KYNU: variants seen among roughly 807,000 people sequenced by gnomAD.
The protein encoded by KYNU is kynureninase.
A neutral mutation model predicts 59.2 loss-of-function variants in KYNU; 54 were observed. The observed-to-expected ratio is 0.91, with a 90% CI of 0.73 to 1.14. KYNU has a LOEUF of 1.14. Among genes scored for constraint, KYNU ranks in the 50% most tolerant of loss-of-function variants. KYNU has a pLI of 0.00. For missense variants in KYNU, 567 were observed against 554.4 expected (o/e 1.02, Z -0.23); for synonymous variants, 177 against 192.0 (o/e 0.92, Z 0.65).
rs1687301904 is a variant in KYNU, at chr2:143,053,471, C to A, written c.*11299C>A. ...GAGAACATTTAAGAGGGGCCAGGGG[C>A]AGAATGATATGGTTTGACTTTGTCC... On this transcript the variant is annotated 3_prime_UTR_variant, in exon 14 of 14. Transcript: ENST00000264170. The A allele has an allele frequency of 6.6e-6, 1 of 152,162 alleles. No individual in the cohort carries two copies. The highest frequency in any genetic ancestry group is 1.5e-5 in the Non-Finnish European group (1 of 68,036). The allele number at this position is 152,162 out of a possible 1,614,324, so 9.4% of individuals were successfully genotyped here. A position where few individuals can be genotyped will look rare whatever the true frequency, so the allele number is the denominator to read the frequency against.
At chr2:143,003,671 C>T (rs1685779508) in intron 10 of KYNU, among the ~76,000 whole-genome samples, 1 of 151,954 alleles carries the variant, frequency 6.6e-6, no homozygotes, top group Admixed American at 6.5e-5. Flanking sequence ...TGCTTGTCTA[C>T]AGAAATTTGA....
At position 143,040,614 on chromosome 2, in the gene KYNU, CCAAA is replaced by C. The variant is rs1226207989; in HGVS notation, c.1233_1236del (p.Asn411LysfsTer7). On this transcript the variant is annotated frameshift_variant, in exon 13 of 14. Coordinates refer to ENST00000264170, the MANE Select transcript of KYNU (RefSeq NM_003937.3). LOFTEE classifies it high-confidence loss of function. ...CCAGCTAACAATAACATTTTCTGTTCCAAACAAAGATGTTTTCCAAGAACTAGAA... is the reference window on the plus strand; with the variant it reads ...CCAGCTAACAATAACATTTTCTGTTCCAAAGATGTTTTCCAAGAACTAGAA... 1.9e-6 allele frequency: 3 copies of C among 1,609,674 alleles called. No homozygotes were observed. The highest frequency in any genetic ancestry group is 2.7e-5 in the African/African-American group (2 of 74,714).
At chr2:142,895,257 A>G (rs890215103) in intron 2 of KYNU, among the ~76,000 whole-genome samples, 14 of 152,178 alleles carry the variant, frequency 9.2e-5, no homozygotes, top group African/African-American at 3.1e-4. Context: ...ATAACCCCCA[A>G]AAGACTCCTT....
At chr2:143,017,515 C>T (rs1195099553) in intron 10 of KYNU, among the ~76,000 whole-genome samples, 2 of 132,024 alleles carry the variant, frequency 1.5e-5, no homozygotes, top group Admixed American at 9.3e-5. Flanking sequence ...AATCTCAGCT[C>T]ACTGCAATCT....
chr2:143,046,472 G>T lies in KYNU; in HGVS notation c.*4300G>T, dbSNP rs1433997953. The stretch of plus-strand genomic sequence containing the variant: ...AGTAATTTTGTAAATGATGTGAGGT[G>T]GTGATTCTATTTCATTTTTTCCCAT... On this transcript the variant is annotated 3_prime_UTR_variant, in exon 14 of 14. Transcript: ENST00000264170. 1.3e-5 allele frequency: 2 copies of T among 151,562 alleles called. No individual in the cohort carries two copies. The highest frequency in any genetic ancestry group is 2.9e-5 in the Non-Finnish European group (2 of 67,872). 9.4% of individuals were successfully genotyped at this position (151,562 alleles called of 1,614,324 possible).
At chr2:142,941,873 T>C (rs1406496880) in intron 4 of KYNU, among the ~76,000 whole-genome samples, 1 of 151,938 alleles carries the variant, frequency 6.6e-6, no homozygotes, top group Non-Finnish European at 1.5e-5. Flanking sequence ...TAAGTCAAAT[T>C]GAAAAAATGA....
In KYNU at chr2:143,050,401, T is replaced by G. The variant is rs1687244631; in HGVS notation, c.*8229T>G. 6.6e-6 allele frequency: 1 copy of G among 152,074 alleles called. No homozygotes were observed. The highest frequency in any genetic ancestry group is 1.5e-5 in the Non-Finnish European group (1 of 68,044). 9.4% of individuals were successfully genotyped at this position (152,074 alleles called of 1,614,324 possible). On this transcript the variant is annotated 3_prime_UTR_variant, in exon 14 of 14. Coordinates refer to ENST00000264170, the MANE Select transcript of KYNU (RefSeq NM_003937.3). The stretch of plus-strand genomic sequence containing the variant: ...ATGAGTGAGAACACGCGATGTTTGG[T>G]TTTCTGTTCCTGTGTTAATTTGCTG...
rs1363410141 is a variant in KYNU, at chr2:143,007,998, A to G, written c.903-21629A>G. ...TCAAGACTAGGAAGAAACTGCATCA[A>G]CTAACGTGCAAAATCACCAGCTAAC... On this transcript the variant is annotated intron_variant, in intron 10 of 13. Transcript: ENST00000264170. Among the ~76,000 whole-genome samples the G allele has an allele frequency of 4.7e-5, 6 of 127,454 alleles. 1 individual carries two copies. The highest frequency in any genetic ancestry group is 9.7e-5 in the Non-Finnish European group (6 of 61,790). 83.6% of individuals were successfully genotyped at this position (127,454 alleles called of 152,430 possible).
intron 2 of KYNU, among the ~76,000 whole-genome samples, chr2:142,913,058 T>A (rs540958331): frequency 6.6e-6 from 1 of 152,316 alleles, no homozygotes; most frequent in Admixed American, 6.5e-5. Flanking sequence ...ATCTTTGTTG[T>A]TTCTGACTGT....
chr2:142,992,200 A>G (rs1288870524), intron 10 of KYNU, among the ~76,000 whole-genome samples: 1 of 151,932 alleles, frequency 6.6e-6, no homozygotes, highest in Non-Finnish European at 1.5e-5. Context: ...CAGAGCAGTT[A>G]ACAGGTGAAG....
chr2:142,932,346 G>T (rs1398546342), intron 4 of KYNU, among the ~76,000 whole-genome samples: 2 of 152,094 alleles, frequency 1.3e-5, no homozygotes, highest in Admixed American at 1.3e-4. Flanking sequence ...CTTTTCTTCT[G>T]AGGAGTAAAG....
chr2:143,048,702 A>G lies in KYNU; in HGVS notation c.*6530A>G, dbSNP rs1687211902. On this transcript the variant is annotated 3_prime_UTR_variant, in exon 14 of 14. Coordinates refer to ENST00000264170, the MANE Select transcript of KYNU (RefSeq NM_003937.3). ...TCTATGTCGACAGTAATTTTCTTTC[A>G]GGAAGTAGAAAATATTAAGTTACAG... 6.6e-6 allele frequency: 1 copy of G among 152,220 alleles called. No homozygotes were observed. Among genetic ancestry groups the G allele is most frequent in the African/African-American group, 2.4e-5 (1 of 41,460 alleles). 9.4% of individuals were successfully genotyped at this position (152,220 alleles called of 1,614,324 possible).
In KYNU at chr2:143,042,391, CTG is replaced by C; in HGVS notation, c.*223_*224del. 2.1e-6 allele frequency: 1 copy of C among 477,078 alleles called. No individual in the cohort carries two copies. The highest frequency in any genetic ancestry group is 3.8e-6 in the Non-Finnish European group (1 of 264,830). 29.6% of individuals were successfully genotyped at this position (477,078 alleles called of 1,614,324 possible). ...GTGCTTTGTGTTTGGGGGACCAAAACTGTGTTGGTTCAAGTATTATCTATACA... is the reference window on the plus strand; with the variant it reads ...GTGCTTTGTGTTTGGGGGACCAAAACTGTTGGTTCAAGTATTATCTATACA... On this transcript the variant is annotated 3_prime_UTR_variant, in exon 14 of 14. Coordinates refer to ENST00000264170, the MANE Select transcript of KYNU (RefSeq NM_003937.3).
intron 8 of KYNU, among the ~76,000 whole-genome samples, chr2:142,974,168 A>T (rs912222667): frequency 3.3e-5 from 5 of 152,210 alleles, no homozygotes; most frequent in African/African-American, 1.2e-4. Flanking sequence ...CCCAGAAGAA[A>T]TAAAAACGGA....
At chr2:142,972,839 G>A (rs1002403257) in intron 8 of KYNU, among the ~76,000 whole-genome samples, 3 of 147,708 alleles carry the variant, frequency 2.0e-5, no homozygotes, top group Admixed American at 1.4e-4. Context: ...GAGAGAGAGA[G>A]ACTGACTACA....
At chr2:142,891,221 G>A (rs554373813) in intron 2 of KYNU, among the ~76,000 whole-genome samples, 2 of 152,176 alleles carry the variant, frequency 1.3e-5, no homozygotes, top group Admixed American at 1.3e-4. Flanking sequence ...TTTAGTAATT[G>A]CATATGATTA....
At chr2:142,916,743 G>A (rs1417770130) in intron 2 of KYNU, among the ~76,000 whole-genome samples, 2 of 152,088 alleles carry the variant, frequency 1.3e-5, no homozygotes, top group Admixed American at 6.6e-5. Flanking sequence ...GACTTTCCAG[G>A]GAATAAGAAG....
At chr2:142,987,077 T>G (rs1573873455) in intron 10 of KYNU, among the ~76,000 whole-genome samples, 1 of 151,908 alleles carries the variant, frequency 6.6e-6, no homozygotes, top group Non-Finnish European at 1.5e-5. Context: ...TACTTGAATA[T>G]CATTATCAGT....
intron 3 of KYNU, 45 bp from the exon 4 acceptor site, chr2:142,927,612 CAT>C: frequency 7.8e-7 from 1 of 1,280,940 alleles, no homozygotes; most frequent in Non-Finnish European, 1.1e-6. Context: ...TAATCACACA[CAT>C]GCACATAAAA....
Sources: allele counts gnomAD v4.1 joint callset (sites outside exome capture counted in the v4.1 genomes callset), GRCh38; gene constraint gnomAD v4.1.1; transcripts MANE v1.5; gene names NCBI Gene and HGNC (gene_info 2026-07-23, HGNC 2026-07-21).